Variants in GNG12 observed in about 807,000 individuals in gnomAD.
GNG12 encodes G protein subunit gamma 12.
For synonymous variants in GNG12, 28 were observed against 29.7 expected, an observed-to-expected ratio of 0.94 and a Z score of 0.19; for missense variants, 69 against 83.8, an observed-to-expected ratio of 0.82 and a Z score of 0.69.
chr1:67,748,152 C>T (rs1646517354), intron 2 of GNG12, among the ~76,000 whole-genome samples: 1 of 152,126 alleles, frequency 6.6e-6, no homozygotes, highest in African/African-American at 2.4e-5. Context: ...AAGAACTTTC[C>T]TTTTTGTGGG....
At chr1:67,734,681 C>T (rs1386698035) in intron 2 of GNG12, among the ~76,000 whole-genome samples, 2 of 152,128 alleles carry the variant, frequency 1.3e-5, no homozygotes, top group African/African-American at 2.4e-5. Flanking sequence ...GGCTGGAGTA[C>T]AGTTGCAGGA....
chr1:67,749,402 A>T (rs1337779166), intron 2 of GNG12, among the ~76,000 whole-genome samples: 3 of 152,258 alleles, frequency 2.0e-5, no homozygotes, highest in African/African-American at 4.8e-5. Context: ...GAGACAAAGC[A>T]TATGGAGTGC....
chr1:67,725,217 G>T (rs1027490613), intron 2 of GNG12, among the ~76,000 whole-genome samples: 2 of 152,124 alleles, frequency 1.3e-5, no homozygotes, highest in Non-Finnish European at 2.9e-5. Flanking sequence ...AAAAAGGAAA[G>T]GCCCAACACT....
At position 67,763,295 on chromosome 1, in the gene GNG12, T is replaced by C. The variant is rs904320718; in HGVS notation, c.-27+14163A>G. On this transcript the variant is annotated intron_variant, in intron 2 of 3. Coordinates refer to ENST00000370982, the MANE Select transcript of GNG12 (RefSeq NM_018841.6). ...TTTGGTGATTATCCCAATAATGTCC[T>C]TTACAGGAAAAGAAAATACAAAATT... 4.6e-5 allele frequency among the ~76,000 whole-genome samples: 7 copies of C among 152,218 alleles called. 1 individual carries two copies. Among genetic ancestry groups the C allele is most frequent in the Admixed American group, 2.0e-4 (3 of 15,280 alleles).
intron 2 of GNG12, among the ~76,000 whole-genome samples, chr1:67,732,703 A>C (rs766620167): frequency 1.3e-5 from 2 of 152,168 alleles, no homozygotes; most frequent in African/African-American, 2.4e-5. Context: ...GCATAAGAGG[A>C]AACTGAGGCA....
At chr1:67,733,066 C>T (rs1346670182) in intron 2 of GNG12, among the ~76,000 whole-genome samples, 3 of 152,238 alleles carry the variant, frequency 2.0e-5, no homozygotes, top group South Asian at 2.1e-4. Flanking sequence ...AAGCCACACA[C>T]TGCACAGCCC....
chr1:67,742,607 A>C (rs1372170639), intron 2 of GNG12, among the ~76,000 whole-genome samples: 1 of 152,196 alleles, frequency 6.6e-6, no homozygotes, highest in African/African-American at 2.4e-5. Flanking sequence ...AAGCTGAAGA[A>C]AAGTGGCAAA....
At chr1:67,761,686 G>T (rs1039745038) in intron 2 of GNG12, among the ~76,000 whole-genome samples, 2 of 152,206 alleles carry the variant, frequency 1.3e-5, no homozygotes, top group African/African-American at 4.8e-5. Flanking sequence ...CAACAGTTCA[G>T]CAGGGTATAT....
chr1:67,733,268 A>T (rs1342297643), intron 2 of GNG12, among the ~76,000 whole-genome samples: 3 of 152,128 alleles, frequency 2.0e-5, no homozygotes, highest in Non-Finnish European at 4.4e-5. Context: ...TCTTTTTTTA[A>T]ATGAAAAAAA....
intron 2 of GNG12, among the ~76,000 whole-genome samples, chr1:67,776,472 C>A (rs1646705916): frequency 6.6e-6 from 1 of 152,150 alleles, no homozygotes; most frequent in Admixed American, 6.5e-5. Context: ...TCAGAATGTA[C>A]TGGAAACAAT....
At chr1:67,711,421 A>G (rs948432109) in intron 2 of GNG12, among the ~76,000 whole-genome samples, 6 of 151,676 alleles carry the variant, frequency 4.0e-5, no homozygotes, top group Non-Finnish European at 5.9e-5. Flanking sequence ...CCTGAGCTAC[A>G]GAAAAGAATG....
chr1:67,773,015 C>T (rs1456582056), intron 2 of GNG12, among the ~76,000 whole-genome samples: 4 of 152,156 alleles, frequency 2.6e-5, no homozygotes, highest in African/African-American at 9.7e-5. Flanking sequence ...TTTGGAACTC[C>T]TGAATACAGC....
chr1:67,787,034 TAA>T (rs1491007706), intron 1 of GNG12, among the ~76,000 whole-genome samples: 25 of 100,648 alleles, frequency 2.5e-4, no homozygotes, highest in Non-Finnish European at 3.3e-4. Flanking sequence ...TGTATGTGTA[TAA>T]GTGTGTGTGT....
chr1:67,771,989 C>T (rs1186306691), intron 2 of GNG12, among the ~76,000 whole-genome samples: 2 of 152,120 alleles, frequency 1.3e-5, no homozygotes, highest in African/African-American at 4.8e-5. Context: ...ATCATGGACA[C>T]TACACTTTAC....
intron 1 of GNG12, among the ~76,000 whole-genome samples, chr1:67,817,052 A>C (rs1646957339): frequency 6.6e-6 from 1 of 152,250 alleles, no homozygotes; most frequent in African/African-American, 2.4e-5. Flanking sequence ...GACACTGCCT[A>C]TCACTGACAA....
chr1:67,814,777 T>C (rs1646944357), intron 1 of GNG12, among the ~76,000 whole-genome samples: 4 of 152,200 alleles, frequency 2.6e-5, no homozygotes, highest in Admixed American at 2.6e-4. Flanking sequence ...TCTTTAGTCC[T>C]AGGGGTAGTG....
At chr1:67,812,058 T>G (rs572246516) in intron 1 of GNG12, among the ~76,000 whole-genome samples, 60 of 152,282 alleles carry the variant, frequency 3.9e-4, no homozygotes, top group African/African-American at 1.4e-3. Context: ...AACAGCTGAC[T>G]ATGGAGTAAT....
chr1:67,768,740 A>G (rs537869585), intron 2 of GNG12, among the ~76,000 whole-genome samples: 3 of 152,328 alleles, frequency 2.0e-5, no homozygotes, highest in Non-Finnish European at 2.9e-5. Context: ...ATAGATAAGG[A>G]AAGTTTGAAC....
rs139526167 is a variant in GNG12 at position 67,705,167 on chromosome 1, T to C, written c.*284A>G. 788 of 231,038 alleles carry C rather than the reference T, an allele frequency of 3.4e-3. 7 individuals carry two copies. Among genetic ancestry groups the C allele is most frequent in the African/African-American group, 0.017 (743 of 43,720 alleles). The allele number at this position is 231,038 out of a possible 1,614,324, so 14.3% of individuals were successfully genotyped here. A position where few individuals can be genotyped will look rare whatever the true frequency, so the allele number is the denominator to read the frequency against. ...CCCTTGTATTTCTAAAGTATATAAT[T>C]ATGTTTTTAAAAAGGCCCAGATCAA... On this transcript the variant is annotated 3_prime_UTR_variant, in exon 4 of 4. Coordinates refer to ENST00000370982, the MANE Select transcript of GNG12 (RefSeq NM_018841.6).
Sources: allele counts gnomAD v4.1 joint callset (sites outside exome capture counted in the v4.1 genomes callset), GRCh38; gene constraint gnomAD v4.1.1; transcripts MANE v1.5; gene names NCBI Gene and HGNC (gene_info 2026-07-23, HGNC 2026-07-21).